Variants in ACTR1B observed in about 807,000 individuals in gnomAD.
ACTR1B encodes beta-centractin.
Under a neutral mutation model 49.4 loss-of-function variants are expected in ACTR1B, and 34 were observed. The observed-to-expected ratio is 0.69, with a 90% CI of 0.52 to 0.92. The LOEUF is 0.92. Among genes scored for constraint, ACTR1B ranks in the 40% least tolerant of loss-of-function variants. ACTR1B has a pLI of 0.00. For missense variants in ACTR1B, 471 were observed against 522.4 expected, an observed-to-expected ratio of 0.90 and a Z score of 0.96; for synonymous variants, 207 against 207.8, an observed-to-expected ratio of 1.00 and a Z score of 0.03.
At chr2:97,663,782 C>A in intron 1 of ACTR1B, 61 bp downstream of exon 1, 2 of 1,192,174 alleles carry the variant, frequency 1.7e-6, no homozygotes, top group Non-Finnish European at 2.2e-6. Context: ...TCTCTCCCTG[C>A]GCCGCCGCGT....
rs1323462112 is a variant in ACTR1B at position 97,661,869 on chromosome 2, G to C, written c.113+13C>G. On this transcript the variant is annotated intron_variant, in intron 2 of 10. Coordinates refer to ENST00000289228, the MANE Select transcript of ACTR1B (RefSeq NM_005735.4). ...AACAAAAGGACTAAGGCTGCTGCCT[G>C]AGCCACACTTACTAGTTTGGGAAAC... 1.3e-6 allele frequency: 2 copies of C among 1,582,354 alleles called. No individual in the cohort carries two copies. Among genetic ancestry groups the C allele is most frequent in the African/African-American group, 2.7e-5 (2 of 74,556 alleles).
In ACTR1B at chr2:97,663,964, G is replaced by C. The variant is rs569847930; in HGVS notation, c.-74C>G. The C allele has an allele frequency of 2.3e-5, 20 of 886,120 alleles. 1 individual carries two copies. Among genetic ancestry groups the C allele is most frequent in the African/African-American group, 2.2e-4 (12 of 55,668 alleles). 54.9% of individuals were successfully genotyped at this position (886,120 alleles called of 1,614,324 possible). The stretch of plus-strand genomic sequence containing the variant: ...GGATGGGCGGGCGGGCGGGAGGACC[G>C]GGACGGCGGCGGCTCCCGACGCGGC... On this transcript the variant is annotated 5_prime_UTR_variant, in exon 1 of 11. Coordinates refer to ENST00000289228, the MANE Select transcript of ACTR1B (RefSeq NM_005735.4).
Position 97,658,707 on chromosome 2 carries a change from G to A in ACTR1B, c.441-64C>T. 1 of 1,592,604 alleles carries A rather than the reference G, an allele frequency of 6.3e-7. No homozygotes were observed. Among genetic ancestry groups the A allele is most frequent in the East Asian group, 2.2e-5 (1 of 44,722 alleles). ...GGCACGGGGACCTCCTCACCCAGGGGAGGAACCCTGGCACATCTGCATTAT... is the reference window on the plus strand; with the variant it reads ...GGCACGGGGACCTCCTCACCCAGGGAAGGAACCCTGGCACATCTGCATTAT... On this transcript the variant is annotated intron_variant, in intron 5 of 10. Coordinates refer to ENST00000289228, the MANE Select transcript of ACTR1B (RefSeq NM_005735.4). This position sits in a 1 kb window ranked among gnomAD's most constrained non-coding sequence, Gnocchi z 5.9.
At position 97,658,407 on chromosome 2, in the gene ACTR1B, A is replaced by C; in HGVS notation, c.657+20T>G. On this transcript the variant is annotated intron_variant, in intron 6 of 10. Coordinates refer to ENST00000289228, the MANE Select transcript of ACTR1B (RefSeq NM_005735.4). The surrounding 1 kb of genome is among the most constrained non-coding windows in gnomAD (Gnocchi z 5.9). ...TTTCCTCACCCCAGGTCGTGTCCACACCCTCTCGCCCCTTGTCACCTCTTT... is the reference window on the plus strand; with the variant it reads ...TTTCCTCACCCCAGGTCGTGTCCACCCCCTCTCGCCCCTTGTCACCTCTTT... The C allele has an allele frequency of 6.2e-7, 1 of 1,613,556 alleles. No homozygotes were observed. The highest frequency in any genetic ancestry group is 8.5e-7 in the Non-Finnish European group (1 of 1,179,814).
intron 8 of ACTR1B, among the ~76,000 whole-genome samples, chr2:97,657,719 T>A (rs1374503403): frequency 6.6e-6 from 1 of 152,232 alleles, no homozygotes; most frequent in African/African-American, 2.4e-5. Flanking sequence ...AAGCCGCACA[T>A]GCTCCTTGCT....
chr2:97,659,749 C>G lies in ACTR1B; in HGVS notation c.190-272G>C. ...GTGTGCCCCGCAATCTGCAGGCTCTCTTCTTCCCCATTCTCACTGCCGGCA... is the reference window on the plus strand; with the variant it reads ...GTGTGCCCCGCAATCTGCAGGCTCTGTTCTTCCCCATTCTCACTGCCGGCA... On this transcript the variant is annotated intron_variant, in intron 3 of 10. Transcript: ENST00000289228. This position sits in a 1 kb window ranked among gnomAD's most constrained non-coding sequence, Gnocchi z 4.0. 1 of 522,860 alleles carries G rather than the reference C, an allele frequency of 1.9e-6. No individual in the cohort carries two copies. Among genetic ancestry groups the G allele is most frequent in the Non-Finnish European group, 3.4e-6 (1 of 292,402 alleles). The allele number at this position is 522,860 out of a possible 1,614,324, so 32.4% of individuals were successfully genotyped here. A position where few individuals can be genotyped will look rare whatever the true frequency, so the allele number is the denominator to read the frequency against.
intron 1 of ACTR1B, among the ~76,000 whole-genome samples, chr2:97,663,258 T>C (rs1266418896): frequency 1.3e-5 from 2 of 152,200 alleles, no homozygotes; most frequent in African/African-American, 4.8e-5. Flanking sequence ...AGAGTGGCCA[T>C]GAACTCTCCA....
Position 97,663,853 on chromosome 2 carries a change from A to G in ACTR1B, c.38T>C (p.Val13Ala). 2 of 1,390,212 alleles carry G rather than the reference A, an allele frequency of 1.4e-6. No homozygotes were observed. Among genetic ancestry groups the G allele is most frequent in the South Asian group, 1.4e-5 (1 of 71,134 alleles). 86.1% of individuals were successfully genotyped at this position (1,390,212 alleles called of 1,614,324 possible). ...SYDIIANQPVVIDNGSGVIKA... is the reference protein window; with the variant it reads ...SYDIIANQPVAIDNGSGVIKA... ...GCTGCCGGGCCTCACGTTGTCGATG[A>G]CCACAGGCTGGTTGGCGATGATGTC... The change falls in exon 1 of 11, where the codon GTC becomes GCC. Residue 13 changes from valine (V) to alanine (A), a missense_variant. Physicochemically the swap from Val to Ala is moderately conservative, Grantham distance 64 (BLOSUM62 0). Coordinates refer to ENST00000289228, the MANE Select transcript of ACTR1B (RefSeq NM_005735.4).
At chr2:97,663,388 G>A (rs1675079307) in intron 1 of ACTR1B, among the ~76,000 whole-genome samples, 1 of 152,222 alleles carries the variant, frequency 6.6e-6, no homozygotes. Context: ...TCCTGCATTT[G>A]TTGCCTCGGG....
chr2:97,657,566 CT>C, intron 8 of ACTR1B, 57 bp from the exon 9 acceptor site: 1 of 1,569,374 alleles, frequency 6.4e-7, no homozygotes, highest in Non-Finnish European at 8.8e-7. Flanking sequence ...TCGCTGCTAG[CT>C]CCCGCACCCA....
In ACTR1B at chr2:97,656,696, G is replaced by A. The variant is rs1674851081; in HGVS notation, c.*162C>T. ...TGTTACTTGTGTGTGCATGTCCTGT[G>A]TAGAGGGGAAGGCTGCAGGGGGGCA... On this transcript the variant is annotated 3_prime_UTR_variant, in exon 11 of 11. Transcript: ENST00000289228. 4 of 634,584 alleles carry A rather than the reference G, an allele frequency of 6.3e-6. No individual in the cohort carries two copies. The highest frequency in any genetic ancestry group is 1.8e-5 in the South Asian group (1 of 54,500). 39.3% of individuals were successfully genotyped at this position (634,584 alleles called of 1,614,324 possible).
Position 97,658,448 on chromosome 2 carries a change from C to T in ACTR1B, c.636G>A (p.Glu212=). 1 of 1,614,188 alleles carries T rather than the reference C, an allele frequency of 6.2e-7. No individual in the cohort carries two copies. The highest frequency in any genetic ancestry group is 8.5e-7 in the Non-Finnish European group (1 of 1,180,022). Reference sequence around the variant, plus strand: ...TCACCTCTTTGATTGTCCGGACAACCTCAAACTCAGCCGAGGTATGGAAGT... The same window carrying T: ...TCACCTCTTTGATTGTCCGGACAACTTCAAACTCAGCCGAGGTATGGAAGT... ...GVDFHTSAEF[E]VVRTIKERAC... Residue 212 remains glutamate (E), a synonymous_variant, in exon 6 of 11, where the codon GAG becomes GAA. Coordinates refer to ENST00000289228, the MANE Select transcript of ACTR1B (RefSeq NM_005735.4). The surrounding 1 kb of genome is among the most constrained non-coding windows in gnomAD (Gnocchi z 5.9).
intron 1 of ACTR1B, among the ~76,000 whole-genome samples, 177 bp from the exon 2 acceptor site, chr2:97,662,123 T>C (rs1675027648): frequency 6.6e-6 from 1 of 152,112 alleles, no homozygotes; most frequent in Non-Finnish European, 1.5e-5. Context: ...TGTATCCCCC[T>C]GCTCTGGCAA....
chr2:97,664,044 T>G lies in ACTR1B; in HGVS notation c.-154A>C. 2 of 326,384 alleles carry G rather than the reference T, an allele frequency of 6.1e-6. No homozygotes were observed. The highest frequency in any genetic ancestry group is 1.1e-5 in the Non-Finnish European group (2 of 187,134). 20.2% of individuals were successfully genotyped at this position (326,384 alleles called of 1,614,324 possible). A position where few individuals can be genotyped will look rare whatever the true frequency, so the allele number is the denominator to read the frequency against. On this transcript the variant is annotated 5_prime_UTR_variant, in exon 1 of 11. Coordinates refer to ENST00000289228, the MANE Select transcript of ACTR1B (RefSeq NM_005735.4). The stretch of plus-strand genomic sequence containing the variant: ...CCTACGCGAGCCCCGCGGGGCTTTC[T>G]GGAGGGCGGGCCCGGCGGCCAATCA...
rs1276467221 is a variant in ACTR1B at position 97,659,050 on chromosome 2, A to G, written c.316-47T>C. ...TAGGCATCAGAGGAGGCAACTTGCA[A>G]GGCCCTAAAAGGCTCTTTCCAGAGA... On this transcript the variant is annotated intron_variant, in intron 4 of 10. Coordinates refer to ENST00000289228, the MANE Select transcript of ACTR1B (RefSeq NM_005735.4). This position sits in a 1 kb window ranked among gnomAD's most constrained non-coding sequence, Gnocchi z 4.0. The G allele has an allele frequency of 6.2e-7, 1 of 1,611,130 alleles. No individual in the cohort carries two copies. The highest frequency in any genetic ancestry group is 1.1e-5 in the South Asian group (1 of 90,844).
intron 8 of ACTR1B, 30 bp from the exon 9 acceptor site, chr2:97,657,539 G>A: frequency 6.2e-7 from 1 of 1,613,050 alleles, no homozygotes; most frequent in Non-Finnish European, 8.5e-7. Flanking sequence ...TGAGCCTGGG[G>A]TCTGCACCCG....
chr2:97,658,571 A>AT lies in ACTR1B; in HGVS notation c.512dup (p.Tyr171Ter). The AT allele has an allele frequency of 6.2e-7, 1 of 1,614,100 alleles. No homozygotes were observed. The highest frequency in any genetic ancestry group is 8.5e-7 in the Non-Finnish European group (1 of 1,180,016). The change falls in exon 6 of 11, where the codon TAT becomes TAAT. Residue 171 changes from tyrosine (Y) to a stop codon, truncating the protein, a stop_gained and frameshift_variant. Coordinates refer to ENST00000289228, the MANE Select transcript of ACTR1B (RefSeq NM_005735.4). LOFTEE classifies it high-confidence loss of function. This position sits in a 1 kb window ranked among gnomAD's most constrained non-coding sequence, Gnocchi z 5.9. ...TGGAGTGAGGCATGGCAAAGCCCTC[A>AT]TAGATGGGCACAGCATGAGTGACCC... ...GDGVTHAVPI[Y>*]EGFAMPHSIM... is the part of the protein sequence containing the mutation.
rs1330654573 is a variant in ACTR1B, at chr2:97,663,921, C to A, written c.-31G>T. 2.4e-6 allele frequency: 1 copy of A among 416,922 alleles called. No homozygotes were observed. The highest frequency in any genetic ancestry group is 3.3e-5 in the South Asian group (1 of 30,258). The allele number at this position is 416,922 out of a possible 1,614,324, so 25.8% of individuals were successfully genotyped here. On this transcript the variant is annotated 5_prime_UTR_variant, in exon 1 of 11. Transcript: ENST00000289228. ...GGCCGCGCCGGCCCTGCCCAGCAGG[C>A]GGGCTGCAGGAGGCACCGGATGGGC...
At position 97,658,362 on chromosome 2, in the gene ACTR1B, C is replaced by T. The variant is rs368596295; in HGVS notation, c.658-46G>A. On this transcript the variant is annotated intron_variant, in intron 6 of 10. Transcript: ENST00000289228. The surrounding 1 kb of genome is among the most constrained non-coding windows in gnomAD (Gnocchi z 5.9). ...CCCTCAGAAGGCTGCACCTGGGACA[C>T]CTGTGCCTTGGTGCCACCCTTTCCT... is the stretch of plus-strand genomic sequence containing the variant. The T allele has an allele frequency of 1.2e-6, 2 of 1,613,382 alleles. No homozygotes were observed. Among genetic ancestry groups the T allele is most frequent in the South Asian group, 1.1e-5 (1 of 91,046 alleles).
Sources: allele counts gnomAD v4.1 joint callset (sites outside exome capture counted in the v4.1 genomes callset), GRCh38; gene constraint gnomAD v4.1.1; non-coding constraint Gnocchi (gnomAD v3.1); transcripts MANE v1.5; gene names NCBI Gene and HGNC (gene_info 2026-07-23, HGNC 2026-07-21).